The following KCNH5 variants were observed in gnomAD, a reference collection of about 807,000 sequenced individuals.
The protein encoded by KCNH5 is voltage-gated delayed rectifier potassium channel KCNH5.
A neutral mutation model predicts 96.1 loss-of-function variants in KCNH5; 46 were observed. The observed-to-expected ratio is 0.48, with a 90% CI of 0.38 to 0.61. The LOEUF (loss-of-function observed/expected upper bound fraction) is 0.61, where lower values mean the gene tolerates loss of function less well. Among genes scored for constraint, KCNH5 ranks in the 20% least tolerant of loss-of-function variants. The probability of loss-of-function intolerance (pLI) is 0.00; values close to 1 mark genes in which losing one functional copy is unlikely to be tolerated. For synonymous variants in KCNH5, 439 were observed against 449.8 expected (o/e 0.98, Z 0.30); for missense variants, 907 against 1,225.8 (o/e 0.74, Z 3.88).
At chr14:63,002,360 T>A (rs184587403) in intron 3 of KCNH5, among the ~76,000 whole-genome samples, 1 of 152,208 alleles carries the variant, frequency 6.6e-6, no homozygotes, top group Non-Finnish European at 1.5e-5. Context: ...TGTAATTATC[T>A]GTTAGGTGAT....
At chr14:62,730,569 TATGAAA>T (rs1159501577) in intron 10 of KCNH5, among the ~76,000 whole-genome samples, 1 of 152,218 alleles carries the variant, frequency 6.6e-6, no homozygotes, top group Non-Finnish European at 1.5e-5. Flanking sequence ...CTCTTCACTA[TATGAAA>T]AGAGATATCT....
At chr14:62,902,061 G>A (rs953175115) in intron 7 of KCNH5, among the ~76,000 whole-genome samples, 4 of 151,818 alleles carry the variant, frequency 2.6e-5, no homozygotes, top group Non-Finnish European at 5.9e-5. Context: ...CCATTTTAAT[G>A]GGTTTTTTTT....
intron 8 of KCNH5, among the ~76,000 whole-genome samples, chr14:62,844,593 T>C (rs985270285): frequency 2.0e-5 from 3 of 152,134 alleles, no homozygotes; most frequent in African/African-American, 7.2e-5. Context: ...AAAGCCCAGA[T>C]GATGGATTTG....
At chr14:62,890,091 T>G (rs1341969086) in intron 7 of KCNH5, among the ~76,000 whole-genome samples, 1 of 152,048 alleles carries the variant, frequency 6.6e-6, no homozygotes, top group East Asian at 1.9e-4. Context: ...CAAGATGGAT[T>G]AAAGATGTAA....
chr14:62,860,930 C>A (rs916233076), intron 7 of KCNH5, among the ~76,000 whole-genome samples: 1 of 152,286 alleles, frequency 6.6e-6, no homozygotes, highest in African/African-American at 2.4e-5. Context: ...TGGAAAGAAG[C>A]AGAGGAAGAA....
At chr14:62,859,273 C>T (rs1046488529) in intron 7 of KCNH5, among the ~76,000 whole-genome samples, 3 of 152,108 alleles carry the variant, frequency 2.0e-5, no homozygotes, top group African/African-American at 4.8e-5. Flanking sequence ...GCAAATTGGA[C>T]GCTCAGCAGT....
chr14:62,940,935 T>A (rs1231071894), intron 7 of KCNH5, among the ~76,000 whole-genome samples: 9 of 152,188 alleles, frequency 5.9e-5, no homozygotes. Context: ...AGCTTCTTTA[T>A]TCCCTCTTAA....
intron 2 of KCNH5, among the ~76,000 whole-genome samples, chr14:63,012,862 A>G (rs182376073): frequency 2.7e-4 from 41 of 151,882 alleles, no homozygotes; most frequent in African/African-American, 7.7e-4. Flanking sequence ...ATGCAAAGCA[A>G]TATCATTTCA....
At chr14:62,944,621 C>A (rs1194540891) in intron 7 of KCNH5, among the ~76,000 whole-genome samples, 1 of 152,088 alleles carries the variant, frequency 6.6e-6, no homozygotes, top group African/African-American at 2.4e-5. Context: ...AAAAATGATA[C>A]TATATTTACA....
intron 8 of KCNH5, among the ~76,000 whole-genome samples, chr14:62,836,049 A>G (rs894285715): frequency 6.6e-6 from 1 of 152,030 alleles, no homozygotes; most frequent in African/African-American, 2.4e-5. Flanking sequence ...CAAGCTTGAC[A>G]CCAGGCCTAT....
chr14:62,908,123 TA>T (rs577122481), intron 7 of KCNH5, among the ~76,000 whole-genome samples: 17 of 152,324 alleles, frequency 1.1e-4, no homozygotes, highest in Non-Finnish European at 2.1e-4. Context: ...TCAGTTTGTA[TA>T]ACAGTATATT....
chr14:62,877,979 A>G (rs569525862), intron 7 of KCNH5, among the ~76,000 whole-genome samples: 1 of 152,048 alleles, frequency 6.6e-6, no homozygotes, highest in South Asian at 2.1e-4. Context: ...GATTAAGAAA[A>G]TGTGGCACAT....
At chr14:62,779,616 G>T in intron 10 of KCNH5, 112 bp downstream of exon 10, 1 of 803,502 alleles carries the variant, frequency 1.2e-6, no homozygotes, top group Non-Finnish European at 1.8e-6. Flanking sequence ...ACTTTACATT[G>T]ATGGGAATTT....
chr14:63,037,244 C>T (rs559640253), intron 1 of KCNH5, among the ~76,000 whole-genome samples: 6 of 152,112 alleles, frequency 3.9e-5, no homozygotes, highest in East Asian at 1.9e-4. Flanking sequence ...GTTAAGTCAC[C>T]GAGCTAGTAA....
intron 10 of KCNH5, among the ~76,000 whole-genome samples, chr14:62,756,272 A>C (rs1175678323): frequency 2.6e-5 from 4 of 152,130 alleles, no homozygotes; most frequent in Admixed American, 2.6e-4. Context: ...GATGAAGACT[A>C]TAATACATCA....
intron 7 of KCNH5, among the ~76,000 whole-genome samples, chr14:62,909,270 C>T (rs1010730092): frequency 1.3e-5 from 2 of 151,530 alleles, no homozygotes; most frequent in African/African-American, 2.4e-5. Context: ...TGGTCTCGAT[C>T]TCCTGACCTC....
intron 6 of KCNH5, among the ~76,000 whole-genome samples, chr14:62,953,525 T>A (rs1054484723): frequency 2.6e-5 from 4 of 152,238 alleles, no homozygotes; most frequent in African/African-American, 9.6e-5. Flanking sequence ...CAAAAATAGG[T>A]CCTAAAGGGA....
intron 7 of KCNH5, among the ~76,000 whole-genome samples, chr14:62,943,203 G>C (rs966700903): frequency 2.0e-5 from 3 of 152,038 alleles, no homozygotes; most frequent in African/African-American, 7.2e-5. Flanking sequence ...ATAACGGCTG[G>C]ATTAAACTAA....
chr14:62,760,229 T>C (rs768643584), intron 10 of KCNH5, among the ~76,000 whole-genome samples: 2 of 152,100 alleles, frequency 1.3e-5, no homozygotes, highest in African/African-American at 2.4e-5. Flanking sequence ...GAAACACTCT[T>C]TTTTCACACG....
Sources: gnomAD v4.1 joint callset for allele counts (sites outside exome capture counted in the v4.1 genomes callset) on GRCh38, gnomAD v4.1.1 for gene constraint, MANE v1.5 for transcripts, NCBI Gene and HGNC (gene_info 2026-07-23, HGNC 2026-07-21) for gene names.